The following AUTS2 variants were observed in gnomAD, a reference collection of about 807,000 sequenced individuals.
AUTS2 encodes autism susceptibility gene 2 protein.
A neutral mutation model predicts 112.4 loss-of-function variants in AUTS2; 17 were observed. The ratio of observed to expected loss-of-function variants is 0.15; its 90% CI spans 0.10 to 0.23. AUTS2 has a LOEUF of 0.23. AUTS2 is among the 10% of genes least tolerant of loss of function. AUTS2 has a pLI of 1.00. For missense variants in AUTS2, 1,510 were observed against 1,701.6 expected (o/e 0.89, Z 1.98); for synonymous variants, 751 against 702.7 (o/e 1.07, Z -1.09).
At chr7:70,727,174 C>T (rs1787086896) in intron 6 of AUTS2, among the ~76,000 whole-genome samples, 1 of 152,216 alleles carries the variant, frequency 6.6e-6, no homozygotes, top group South Asian at 2.1e-4. Context: ...AGGTAGCTTT[C>T]CGATTGTGAT....
rs78597236 is a variant in AUTS2 at position 70,193,481 on chromosome 7, G to A, written c.660+58910G>A. 3.8e-3 allele frequency among the ~76,000 whole-genome samples: 583 copies of A among 152,204 alleles called. 5 individuals carry two copies. The highest frequency in any genetic ancestry group is 0.013 in the African/African-American group (559 of 41,534). ...CTTCTACATAGTATCCTCATTTTAC[G>A]GGTAGAAATCTTGAGGTTTAGAGAC... On this transcript the variant is annotated intron_variant, in intron 4 of 18. Coordinates refer to ENST00000342771, the MANE Select transcript of AUTS2 (RefSeq NM_015570.4).
chr7:70,789,213 T>G (rs956635112), intron 18 of AUTS2, among the ~76,000 whole-genome samples: 5 of 152,198 alleles, frequency 3.3e-5, no homozygotes, highest in Non-Finnish European at 7.3e-5. Context: ...TCCACGTTCT[T>G]TGCTCTGAAA....
intron 6 of AUTS2, among the ~76,000 whole-genome samples, chr7:70,711,127 C>G (rs1043623226): frequency 1.9e-4 from 29 of 152,170 alleles, no homozygotes; most frequent in African/African-American, 7.0e-4. Flanking sequence ...CAGGGCCTCA[C>G]CCCCCCAGAG....
intron 4 of AUTS2, among the ~76,000 whole-genome samples, chr7:70,334,728 G>T (rs1332839499): frequency 6.6e-6 from 1 of 151,994 alleles, no homozygotes; most frequent in Non-Finnish European, 1.5e-5. Context: ...TTTTAATTTT[G>T]GTAGAAAAGT....
At chr7:70,384,606 G>T (rs1340694143) in intron 4 of AUTS2, among the ~76,000 whole-genome samples, 6 of 152,196 alleles carry the variant, frequency 3.9e-5, no homozygotes, top group African/African-American at 1.4e-4. Context: ...GCTTGTCTGT[G>T]CAGGGAAAAG....
intron 15 of AUTS2, chr7:70,783,484 A>G (rs1186738435): frequency 1.3e-5 from 2 of 152,042 alleles, no homozygotes; most frequent in African/African-American, 2.4e-5. Flanking sequence ...GACAGCAACA[A>G]CCCCTACGTT....
At chr7:70,413,071 G>A (rs1158557449) in intron 4 of AUTS2, among the ~76,000 whole-genome samples, 1 of 152,196 alleles carries the variant, frequency 6.6e-6, no homozygotes, top group African/African-American at 2.4e-5. Flanking sequence ...GCCAGCACTG[G>A]GGAACTGGGA....
intron 1 of AUTS2, among the ~76,000 whole-genome samples, chr7:69,731,017 T>C (rs1786768681): frequency 6.6e-6 from 1 of 152,210 alleles, no homozygotes; most frequent in Non-Finnish European, 1.5e-5. Flanking sequence ...GGCTTTGGGC[T>C]GGGCATAGTT....
intron 4 of AUTS2, among the ~76,000 whole-genome samples, chr7:70,136,137 C>G (rs1010813139): frequency 3.3e-5 from 5 of 151,936 alleles, no homozygotes; most frequent in African/African-American, 7.3e-5. Context: ...TATTTTTATT[C>G]TCTAATAATA....
chr7:70,108,783 C>CAAAAAAAAAAAAA lies in AUTS2; in HGVS notation c.523-9330_523-9318dup, dbSNP rs528009205. 1.2e-4 allele frequency among the ~76,000 whole-genome samples: 8 copies of CAAAAAAAAAAAAA among 69,184 alleles called. 1 individual carries two copies. Among genetic ancestry groups the CAAAAAAAAAAAAA allele is most frequent in the African/African-American group, 3.8e-4 (7 of 18,540 alleles). 45.4% of individuals were successfully genotyped at this position (69,184 alleles called of 152,430 possible). A position where few individuals can be genotyped will look rare whatever the true frequency, so the allele number is the denominator to read the frequency against. ...TTCCAGACCAGCCTGGCCAACATGG[C>CAAAAAAAAAAAAA]AAAAAAAAAAAAAAAAAAAAAAAAA... is the stretch of plus-strand genomic sequence containing the variant. On this transcript the variant is annotated intron_variant, in intron 2 of 18. Transcript: ENST00000342771.
intron 4 of AUTS2, among the ~76,000 whole-genome samples, chr7:70,411,299 G>A (rs1223216705): frequency 1.3e-5 from 2 of 152,176 alleles, no homozygotes; most frequent in African/African-American, 4.8e-5. Flanking sequence ...CTCTGAAAAT[G>A]CACAGTGGTC....
intron 1 of AUTS2, among the ~76,000 whole-genome samples, chr7:69,818,266 T>G (rs1325785790): frequency 6.6e-6 from 1 of 152,194 alleles, no homozygotes; most frequent in African/African-American, 2.4e-5. Flanking sequence ...GACCTGTCAC[T>G]TGTTATGCTG....
intron 4 of AUTS2, among the ~76,000 whole-genome samples, chr7:70,274,625 T>A (rs1377595713): frequency 1.3e-5 from 2 of 151,740 alleles, no homozygotes; most frequent in African/African-American, 4.8e-5. Flanking sequence ...AGTGAGTGAG[T>A]GAGAAAGAGA....
At chr7:70,346,125 T>C (rs1036735618) in intron 4 of AUTS2, among the ~76,000 whole-genome samples, 3 of 152,214 alleles carry the variant, frequency 2.0e-5, no homozygotes, top group Admixed American at 2.0e-4. Flanking sequence ...TAAGCATTAT[T>C]ATGTGTCTGG....
chr7:70,720,366 G>C (rs114043053), intron 6 of AUTS2, among the ~76,000 whole-genome samples: 5 of 152,114 alleles, frequency 3.3e-5, no homozygotes, highest in African/African-American at 1.2e-4. Context: ...ATCCACACTC[G>C]TCTCCAAATC....
intron 5 of AUTS2, among the ~76,000 whole-genome samples, chr7:70,492,295 G>T (rs184091834): frequency 6.6e-6 from 1 of 151,816 alleles, no homozygotes; most frequent in African/African-American, 2.4e-5. Context: ...GCCATTGAGC[G>T]AATCCAGCCA....
At position 70,791,841 on chromosome 7, in the gene AUTS2, A is replaced by C. The variant is rs1051636676; in HGVS notation, c.*845A>C. The C allele has an allele frequency of 1.3e-5, 2 of 152,088 alleles. No homozygotes were observed. Among genetic ancestry groups the C allele is most frequent in the African/African-American group, 4.8e-5 (2 of 41,388 alleles). 9.4% of individuals were successfully genotyped at this position (152,088 alleles called of 1,614,324 possible). A position where few individuals can be genotyped will look rare whatever the true frequency, so the allele number is the denominator to read the frequency against. On this transcript the variant is annotated 3_prime_UTR_variant, in exon 19 of 19. Coordinates refer to ENST00000342771, the MANE Select transcript of AUTS2 (RefSeq NM_015570.4). ...GCTCTGGGGGAAAGTGTAGCCCCGG[A>C]GAGGTAACTGAGGACATGAGCAACC...
intron 5 of AUTS2, among the ~76,000 whole-genome samples, chr7:70,465,392 G>C (rs1038624607): frequency 6.6e-6 from 1 of 152,192 alleles, no homozygotes; most frequent in Non-Finnish European, 1.5e-5. Flanking sequence ...CATAGTTTAG[G>C]ATAGGCTACA....
intron 2 of AUTS2, among the ~76,000 whole-genome samples, chr7:70,020,633 C>T (rs539783206): frequency 9.9e-5 from 15 of 152,230 alleles, no homozygotes; most frequent in East Asian, 7.7e-4. Context: ...CTCAAATTTC[C>T]GCTCAGTAGA....
Sources: allele counts gnomAD v4.1 joint callset (sites outside exome capture counted in the v4.1 genomes callset), GRCh38; gene constraint gnomAD v4.1.1; transcripts MANE v1.5; gene names NCBI Gene and HGNC (gene_info 2026-07-23, HGNC 2026-07-21).